ENTPD5: variants seen among roughly 807,000 people sequenced by gnomAD.
The protein encoded by ENTPD5 is nucleoside diphosphate phosphatase ENTPD5.
Under a neutral mutation model 60.2 loss-of-function variants are expected in ENTPD5, and 49 were observed. That is an observed-to-expected ratio of 0.81 (90% CI 0.65 to 1.03). ENTPD5 has a LOEUF of 1.03. Among genes scored for constraint, ENTPD5 ranks in the 50% least tolerant of loss-of-function variants. The pLI is 0.00. For missense variants in ENTPD5, 480 were observed against 507.6 expected, an observed-to-expected ratio of 0.95 and a Z score of 0.52; for synonymous variants, 187 against 185.4, an observed-to-expected ratio of 1.01 and a Z score of -0.07.
chr14:73,958,096 C>A, downstream of ENTPD5: 1 of 1,461,528 alleles, frequency 6.8e-7, no homozygotes, highest in Non-Finnish European at 9.6e-7. Context: ...TTTTCCTCAG[C>A]CTATGTGGCC....
At chr14:73,990,934 C>T (rs1167278470) in intron 3 of ENTPD5, among the ~76,000 whole-genome samples, 1 of 152,010 alleles carries the variant, frequency 6.6e-6, no homozygotes, top group Non-Finnish European at 1.5e-5. Flanking sequence ...GAGGTTGAGA[C>T]AGGAGAATTG....
chr14:73,957,350 G>T (rs754621778), downstream of ENTPD5, among the ~76,000 whole-genome samples: 2 of 152,174 alleles, frequency 1.3e-5, no homozygotes, highest in African/African-American at 2.4e-5. Flanking sequence ...CTCCCAAAGT[G>T]CTGGGATTAC....
At position 74,001,450 on chromosome 14, in the gene ENTPD5, C is replaced by T. The variant is rs367874442; in HGVS notation, c.-71+9641G>A. ...CTGGGAGGCCGAGCTTGCAGTGAGC[C>T]GAGATTGCACCACTGCACTCCAGCC... On this transcript the variant is annotated intron_variant, in intron 3 of 15. Coordinates refer to ENST00000334696, the MANE Select transcript of ENTPD5 (RefSeq NM_001249.5). Among the ~76,000 whole-genome samples, 439 of 151,242 alleles carry T rather than the reference C, an allele frequency of 2.9e-3. 5 individuals carry two copies. Among genetic ancestry groups the T allele is most frequent in the African/African-American group, 0.01 (421 of 41,156 alleles).
chr14:74,011,059 A>T, intron 3 of ENTPD5, 32 bp downstream of exon 3: 1 of 508,434 alleles, frequency 2.0e-6, no homozygotes, highest in Non-Finnish European at 2.5e-6. Flanking sequence ...GACCTATGAA[A>T]AAGTGAAGTA....
chr14:74,001,528 C>T (rs1019876846), intron 3 of ENTPD5, among the ~76,000 whole-genome samples: 1 of 150,852 alleles, frequency 6.6e-6, no homozygotes, highest in African/African-American at 2.4e-5. Flanking sequence ...ATTAGCCAGG[C>T]ATGGTGGCGG....
intron 5 of ENTPD5, among the ~76,000 whole-genome samples, chr14:73,984,158 G>A (rs1173556557): frequency 6.6e-6 from 1 of 152,144 alleles, no homozygotes; most frequent in Non-Finnish European, 1.5e-5. Flanking sequence ...CTCCTGAGTA[G>A]CTGGGATTAC....
chr14:74,001,901 T>C (rs1175273840), intron 3 of ENTPD5, among the ~76,000 whole-genome samples: 1 of 151,934 alleles, frequency 6.6e-6, no homozygotes, highest in Non-Finnish European at 1.5e-5. Flanking sequence ...TTTATATGAA[T>C]TTGAGAAACA....
Position 73,970,024 on chromosome 14 carries a change from T to G in ENTPD5, c.1186A>C (p.Ser396Arg). The change falls in exon 15 of 16, where the codon AGC becomes CGC. Residue 396 changes from serine to arginine, a missense_variant. Transcript: ENST00000334696. ...LLKDGFGFAD[S>R]TVLQLTKKVN... is the part of the protein sequence containing the mutation. The stretch of plus-strand genomic sequence containing the variant: ...CTGTCTCTTACCTGTAAGACTGTGC[T>G]GTCTGCAAAGCCAAAGCCATCCTTT... 6.2e-7 allele frequency: 1 copy of G among 1,613,160 alleles called. No homozygotes were observed. Among genetic ancestry groups the G allele is most frequent in the Non-Finnish European group, 8.5e-7 (1 of 1,179,144 alleles).
chr14:73,973,208 CTG>C (rs1433139965), intron 12 of ENTPD5, among the ~76,000 whole-genome samples, 184 bp from the exon 13 acceptor site: 1 of 152,228 alleles, frequency 6.6e-6, no homozygotes, highest in Non-Finnish European at 1.5e-5. Context: ...CCTCACCAGT[CTG>C]TTTCTCCATG....
chr14:73,990,502 T>C (rs944712648), intron 3 of ENTPD5, among the ~76,000 whole-genome samples: 1 of 151,490 alleles, frequency 6.6e-6, no homozygotes, highest in Non-Finnish European at 1.5e-5. Flanking sequence ...ACCTGGCTAT[T>C]TTTTTTATTT....
chr14:73,977,942 G>A (rs969172889), intron 6 of ENTPD5, among the ~76,000 whole-genome samples: 4 of 152,108 alleles, frequency 2.6e-5, no homozygotes, highest in Non-Finnish European at 5.9e-5. Flanking sequence ...AAAACATCTT[G>A]CCTCTCCATA....
intron 15 of ENTPD5, among the ~76,000 whole-genome samples, chr14:73,967,681 TC>T (rs1232441653): frequency 1.9e-4 from 28 of 150,516 alleles, no homozygotes; most frequent in Non-Finnish European, 2.1e-4. Context: ...ACACCTGTAA[TC>T]CCAGCTACTC....
At chr14:73,975,457 T>C (rs577694218) in intron 10 of ENTPD5, among the ~76,000 whole-genome samples, 1 of 149,844 alleles carries the variant, frequency 6.7e-6, no homozygotes, top group African/African-American at 2.5e-5. Context: ...CCGGCTGAAG[T>C]GCAGTGGTGT....
chr14:73,995,239 G>A (rs867133085), intron 3 of ENTPD5, among the ~76,000 whole-genome samples: 5 of 151,970 alleles, frequency 3.3e-5, no homozygotes, highest in Middle Eastern at 6.8e-3. Flanking sequence ...ATAGAGACAG[G>A]GTTTTGCCAT....
intron 3 of ENTPD5, among the ~76,000 whole-genome samples, chr14:73,995,151 C>T (rs1168309234): frequency 2.0e-5 from 3 of 151,442 alleles, no homozygotes; most frequent in South Asian, 2.1e-4. Flanking sequence ...CGGGTTCAAG[C>T]GATTCTCATG....
At chr14:73,986,926 A>T (rs1369505940) in intron 4 of ENTPD5, 33 bp from the exon 5 acceptor site, 3 of 1,563,750 alleles carry the variant, frequency 1.9e-6, no homozygotes, top group Middle Eastern at 1.7e-4. Flanking sequence ...CAGAAGAGAG[A>T]GCTGGTTACC....
chr14:73,983,038 C>A lies in ENTPD5; in HGVS notation c.421G>T (p.Ala141Ser), dbSNP rs536097641. The stretch of plus-strand genomic sequence containing the variant: ...CTTACCTCAAAGAGCAGAGCCTTGG[C>A]TTTGTGTTCTGGCAGTAAGCGTAGT... Reference protein sequence around the residue: ...AGLRLLPEHKAKALLFEVKEI... With the variant: ...AGLRLLPEHKSKALLFEVKEI... Residue 141 changes from alanine to serine, a missense_variant, in exon 6 of 16, where the codon GCC (alanine) becomes TCC (serine). Coordinates refer to ENST00000334696, the MANE Select transcript of ENTPD5 (RefSeq NM_001249.5). 2.5e-6 allele frequency: 4 copies of A among 1,614,066 alleles called. No homozygotes were observed. The highest frequency in any genetic ancestry group is 1.7e-5 in the Admixed American group (1 of 59,996).
At chr14:73,967,827 AGAAAC>A (rs1305908005) in intron 15 of ENTPD5, among the ~76,000 whole-genome samples, 13 of 150,480 alleles carry the variant, frequency 8.6e-5, no homozygotes, top group Admixed American at 8.6e-4. Context: ...AGAAAAAAAA[AGAAAC>A]GAACAAAAAA....
intron 3 of ENTPD5, among the ~76,000 whole-genome samples, chr14:74,003,755 T>C (rs886842250): frequency 6.6e-6 from 1 of 151,906 alleles, no homozygotes; most frequent in African/African-American, 2.4e-5. Context: ...AAATCATCTC[T>C]TCTGCTGTCT....
Sources: allele counts gnomAD v4.1 joint callset (sites outside exome capture counted in the v4.1 genomes callset), GRCh38; gene constraint gnomAD v4.1.1; transcripts MANE v1.5; gene names NCBI Gene and HGNC (gene_info 2026-07-23, HGNC 2026-07-21).